Variants in CADPS observed in about 807,000 individuals in gnomAD.
CADPS encodes calcium-dependent secretion activator 1.
Under a neutral mutation model 167.3 loss-of-function variants are expected in CADPS, and 57 were observed. That is an observed-to-expected ratio of 0.34 (90% CI 0.28 to 0.42). CADPS has a LOEUF of 0.42. CADPS is among the 20% of genes least tolerant of loss of function. The probability of loss-of-function intolerance (pLI) is 1.00; values close to 1 mark genes in which losing one functional copy is unlikely to be tolerated. For synonymous variants in CADPS, 676 were observed against 635.3 expected (o/e 1.06, Z -0.96); for missense variants, 1,414 against 1,738.1 (o/e 0.81, Z 3.32).
At chr3:62,783,655 G>A (rs1173069428) in intron 1 of CADPS, among the ~76,000 whole-genome samples, 1 of 152,146 alleles carries the variant, frequency 6.6e-6, no homozygotes, top group African/African-American at 2.4e-5. Context: ...AGATATATAT[G>A]TAAGACTGTT....
chr3:62,661,054 T>C (rs2073088131), intron 4 of CADPS, among the ~76,000 whole-genome samples: 1 of 152,270 alleles, frequency 6.6e-6, no homozygotes, highest in South Asian at 2.1e-4. Context: ...ATGTGAAGCA[T>C]TTAGCATGCT....
Position 62,499,186 on chromosome 3 carries a change from C to G in CADPS, c.2682G>C (p.Gln894His). 6.2e-7 allele frequency: 1 copy of G among 1,613,268 alleles called. No homozygotes were observed. The highest frequency in any genetic ancestry group is 8.5e-7 in the Non-Finnish European group (1 of 1,179,248). The change falls in exon 18 of 30, where the codon CAG becomes CAC. Residue 894 changes from glutamine (Q) to histidine (H), a missense_variant. Transcript: ENST00000383710. ...RLAELVIEVL[Q>H]QNEEHHAEPH... ...CCTCTGCGTGGTGCTCCTCATTTTG[C>G]TGAAGAACTTCAATGACTAGTTCAG... is the stretch of plus-strand genomic sequence containing the variant.
Position 62,467,025 on chromosome 3 carries a change from G to A in CADPS, c.3478-612C>T, listed in dbSNP as rs544037988. On this transcript the variant is annotated intron_variant, in intron 24 of 29. Coordinates refer to ENST00000383710, the MANE Select transcript of CADPS (RefSeq NM_003716.4). The stretch of plus-strand genomic sequence containing the variant: ...ACATGGATAAACAGACCCAGTATGA[G>A]AGCCTACACTGAGACCACTGCTAAG... 3.9e-5 allele frequency among the ~76,000 whole-genome samples: 6 copies of A among 152,196 alleles called. No individual in the cohort carries two copies. The East Asian group carries it at 1.2e-3, about 29-fold the overall frequency.
At chr3:62,606,149 AG>A (rs1426850177) in intron 6 of CADPS, among the ~76,000 whole-genome samples, 3 of 152,070 alleles carry the variant, frequency 2.0e-5, no homozygotes, top group Admixed American at 1.3e-4. Flanking sequence ...CTAAGAGAGG[AG>A]TCTTCCTCCT....
intron 6 of CADPS, among the ~76,000 whole-genome samples, chr3:62,639,823 T>A (rs915425904): frequency 6.6e-6 from 1 of 152,098 alleles, no homozygotes; most frequent in East Asian, 1.9e-4. Flanking sequence ...TCTCCCTCAA[T>A]GACTAATTTC....
chr3:62,738,701 G>T lies in CADPS; in HGVS notation c.888+14740C>A, dbSNP rs1320792201. Among the ~76,000 whole-genome samples, 5 of 152,118 alleles carry T rather than the reference G, an allele frequency of 3.3e-5. No individual in the cohort carries two copies. The East Asian group carries it at 9.7e-4, about 29-fold the overall frequency. On this transcript the variant is annotated intron_variant, in intron 3 of 29. Transcript: ENST00000383710. ...AGATTGTAGCATTGCACTCTAGCCTGGGCAACAAGAGTGAAACTCCGTCTC... is the reference window on the plus strand; with the variant it reads ...AGATTGTAGCATTGCACTCTAGCCTTGGCAACAAGAGTGAAACTCCGTCTC...
At chr3:62,795,585 T>C (rs1474141107) in intron 1 of CADPS, among the ~76,000 whole-genome samples, 1 of 152,058 alleles carries the variant, frequency 6.6e-6, no homozygotes, top group African/African-American at 2.4e-5. Context: ...TTTCAGGTTC[T>C]TCTTCATAGG....
At chr3:62,658,105 G>C (rs1031514435) in intron 4 of CADPS, among the ~76,000 whole-genome samples, 3 of 152,108 alleles carry the variant, frequency 2.0e-5, no homozygotes, top group Non-Finnish European at 4.4e-5. Flanking sequence ...GTAACTTCCT[G>C]CCTTTCTTCT....
chr3:62,626,598 G>A (rs543749892), intron 6 of CADPS: 27 of 700,568 alleles, frequency 3.9e-5, no homozygotes, highest in Non-Finnish European at 6.8e-5. Context: ...TCAGTGTGAA[G>A]GAAGAACGTC....
intron 17 of CADPS, among the ~76,000 whole-genome samples, chr3:62,507,529 T>C (rs1329328019): frequency 6.6e-6 from 1 of 152,090 alleles, no homozygotes; most frequent in Non-Finnish European, 1.5e-5. Flanking sequence ...CAAATATATA[T>C]GGAGATTGCA....
At chr3:62,803,126 G>C (rs1168600261) in intron 1 of CADPS, among the ~76,000 whole-genome samples, 1 of 152,104 alleles carries the variant, frequency 6.6e-6, no homozygotes, top group Non-Finnish European at 1.5e-5. Context: ...GCATAGGAGA[G>C]CTGAACCATG....
chr3:62,561,546 A>T (rs1409614897), intron 9 of CADPS, among the ~76,000 whole-genome samples: 1 of 152,078 alleles, frequency 6.6e-6, no homozygotes, highest in East Asian at 1.9e-4. Context: ...CTGGGATTAC[A>T]GGCATGAGCC....
intron 6 of CADPS, among the ~76,000 whole-genome samples, chr3:62,645,428 G>T (rs1270805334): frequency 6.6e-6 from 1 of 152,140 alleles, no homozygotes. Context: ...AAACTTTCCT[G>T]CACATTATAT....
chr3:62,629,517 C>T (rs833666), intron 6 of CADPS, among the ~76,000 whole-genome samples: 21,499 of 152,088 alleles, frequency 0.14, 1,625 homozygotes, highest in Middle Eastern at 0.22. Flanking sequence ...AAATCTGGGA[C>T]GCCATCACTC....
At position 62,601,179 on chromosome 3, in the gene CADPS, T is replaced by A. The variant is rs1314083594; in HGVS notation, c.1326-8431A>T. ...CTAATAAGGGCTTTGTATTTTCAAA[T>A]GGCTGAAAATAATCAAAGGAATATT... is the stretch of plus-strand genomic sequence containing the variant. On this transcript the variant is annotated intron_variant, in intron 6 of 29. Coordinates refer to ENST00000383710, the MANE Select transcript of CADPS (RefSeq NM_003716.4). This position sits in a 1 kb window ranked among gnomAD's most constrained non-coding sequence, Gnocchi z 4.3. 6.6e-5 allele frequency among the ~76,000 whole-genome samples: 10 copies of A among 152,212 alleles called. No individual in the cohort carries two copies. Among genetic ancestry groups the A allele is most frequent in the Non-Finnish European group, 1.5e-4 (10 of 68,044 alleles).
At chr3:62,534,920 C>T (rs1472291265) in intron 12 of CADPS, among the ~76,000 whole-genome samples, 6 of 152,032 alleles carry the variant, frequency 3.9e-5, no homozygotes, top group Admixed American at 3.9e-4. Flanking sequence ...TAATGGAAAG[C>T]AAGTTTTAAT....
chr3:62,857,965 A>T (rs1005247317), intron 1 of CADPS, among the ~76,000 whole-genome samples: 5 of 152,180 alleles, frequency 3.3e-5, no homozygotes, highest in African/African-American at 1.2e-4. Context: ...AGGAAGAAAT[A>T]AGAAGCTGCT....
intron 1 of CADPS, among the ~76,000 whole-genome samples, chr3:62,870,946 C>A (rs978632537): frequency 6.6e-6 from 1 of 152,138 alleles, no homozygotes; most frequent in Non-Finnish European, 1.5e-5. Flanking sequence ...AAGCAAAGAA[C>A]TGCTTTCCAA....
At chr3:62,592,778 G>C in intron 6 of CADPS, 30 bp from the exon 7 acceptor site, 1 of 1,522,072 alleles carries the variant, frequency 6.6e-7, no homozygotes, top group Admixed American at 1.7e-5. Flanking sequence ...GGTCATTGTA[G>C]ACATATCTGC....
Sources: gnomAD v4.1 joint callset for allele counts (sites outside exome capture counted in the v4.1 genomes callset) on GRCh38, gnomAD v4.1.1 for gene constraint, Gnocchi (gnomAD v3.1) non-coding constraint, MANE v1.5 for transcripts, NCBI Gene and HGNC (gene_info 2026-07-23, HGNC 2026-07-21) for gene names.